The following SEMA5A variants were observed in gnomAD, a reference collection of about 807,000 sequenced individuals.
The protein encoded by SEMA5A is semaphorin-5A.
Under a neutral mutation model 135.5 loss-of-function variants are expected in SEMA5A, and 55 were observed. The observed-to-expected ratio is 0.41, with a 90% CI of 0.33 to 0.51. The LOEUF (loss-of-function observed/expected upper bound fraction) is 0.51, where lower values mean the gene tolerates loss of function less well. SEMA5A is among the 20% of genes least tolerant of loss of function. The pLI is 0.37. For synonymous variants in SEMA5A, 580 were observed against 546.5 expected (o/e 1.06, Z -0.85); for missense variants, 1,290 against 1,419.9 (o/e 0.91, Z 1.47).
At chr5:9,227,002 T>TAG in intron 6 of SEMA5A, 35 bp from the exon 7 acceptor site, 1 of 1,039,644 alleles carries the variant, frequency 9.6e-7, no homozygotes, top group Non-Finnish European at 1.3e-6. Context: ...TAAAAATATA[T>TAG]ATATATATGT....
chr5:9,183,375 G>A (rs1486404505), intron 11 of SEMA5A, among the ~76,000 whole-genome samples: 1 of 152,082 alleles, frequency 6.6e-6, no homozygotes, highest in Non-Finnish European at 1.5e-5. Context: ...TGCACTTCTG[G>A]GCTGCAGCTA....
At chr5:9,046,152 C>T (rs762847598) in intron 21 of SEMA5A, among the ~76,000 whole-genome samples, 1 of 152,164 alleles carries the variant, frequency 6.6e-6, no homozygotes, top group Non-Finnish European at 1.5e-5. Context: ...CTGCTCAGAG[C>T]ACATCCTGAG....
At chr5:9,425,642 G>A (rs955356748) in intron 2 of SEMA5A, among the ~76,000 whole-genome samples, 2 of 152,176 alleles carry the variant, frequency 1.3e-5, no homozygotes, top group African/African-American at 4.8e-5. Flanking sequence ...TGTATTTTCT[G>A]CAAGGAAATT....
intron 13 of SEMA5A, among the ~76,000 whole-genome samples, chr5:9,132,844 G>C (rs1741509724): frequency 6.6e-6 from 1 of 152,040 alleles, no homozygotes; most frequent in Admixed American, 6.6e-5. Flanking sequence ...TTTTACATGA[G>C]GTATAAAATA....
intron 17 of SEMA5A, among the ~76,000 whole-genome samples, chr5:9,065,678 A>G (rs1737428126): frequency 6.6e-6 from 1 of 152,180 alleles, no homozygotes; most frequent in Non-Finnish European, 1.5e-5. Flanking sequence ...TTTGGAAGAG[A>G]TTTTGCCCAA....
At chr5:9,051,332 C>G (rs257096) in intron 20 of SEMA5A, among the ~76,000 whole-genome samples, 133,544 of 152,222 alleles carry the variant, frequency 0.88, 58,685 homozygotes, top group East Asian at 0.96. Flanking sequence ...ATAGCACCTT[C>G]TCACAGTGAG....
chr5:9,501,363 C>T (rs552420489), intron 1 of SEMA5A, among the ~76,000 whole-genome samples: 1 of 152,258 alleles, frequency 6.6e-6, no homozygotes, highest in African/African-American at 2.4e-5. Context: ...AGATAAGTGT[C>T]AACATATACA....
At chr5:9,380,647 A>G (rs1755557655) in intron 2 of SEMA5A, among the ~76,000 whole-genome samples, 1 of 152,208 alleles carries the variant, frequency 6.6e-6, no homozygotes, top group Non-Finnish European at 1.5e-5. Flanking sequence ...AATAAAATCT[A>G]TATCGAGCAC....
At chr5:9,466,512 G>T (rs983127829) in intron 1 of SEMA5A, among the ~76,000 whole-genome samples, 6 of 152,120 alleles carry the variant, frequency 3.9e-5, no homozygotes, top group African/African-American at 1.4e-4. Flanking sequence ...TTATGAGATA[G>T]AATTTTGTGG....
At position 9,331,018 on chromosome 5, in the gene SEMA5A, C is replaced by T. The variant is rs1579357533; in HGVS notation, c.224+6695G>A. 3.3e-5 allele frequency among the ~76,000 whole-genome samples: 5 copies of T among 152,266 alleles called. No individual in the cohort carries two copies. In the South Asian group the frequency reaches 1.0e-3, roughly 32 times the overall value. On this transcript the variant is annotated intron_variant, in intron 4 of 22. Transcript: ENST00000382496. Reference sequence around the variant, plus strand: ...ATGGGGTTCTACTCCTTTTTGCATTCACTGCTAATCTCTGATTTCATACCG... The same window carrying T: ...ATGGGGTTCTACTCCTTTTTGCATTTACTGCTAATCTCTGATTTCATACCG...
At chr5:9,335,238 TGAGA>T (rs145763834) in intron 4 of SEMA5A, among the ~76,000 whole-genome samples, 6 of 151,708 alleles carry the variant, frequency 4.0e-5, no homozygotes, top group South Asian at 2.1e-4. Context: ...CTAGGGATAC[TGAGA>T]GAGAGAGAGA....
chr5:9,064,756 T>G (rs933001995), intron 17 of SEMA5A, among the ~76,000 whole-genome samples: 2 of 151,986 alleles, frequency 1.3e-5, no homozygotes, highest in Non-Finnish European at 2.9e-5. Flanking sequence ...ACCAAAAAAT[T>G]TCATGGGGCT....
At chr5:9,509,694 G>C (rs932279811) in intron 1 of SEMA5A, among the ~76,000 whole-genome samples, 2 of 152,188 alleles carry the variant, frequency 1.3e-5, no homozygotes, top group African/African-American at 4.8e-5. Flanking sequence ...TCTAAACTCT[G>C]TAAGAAGCCT....
At chr5:9,403,101 A>T (rs914983826) in intron 2 of SEMA5A, among the ~76,000 whole-genome samples, 1 of 152,144 alleles carries the variant, frequency 6.6e-6, no homozygotes, top group South Asian at 2.1e-4. Flanking sequence ...CTCCCATTTT[A>T]TGAAGATCCA....
rs1361053860 is a variant in SEMA5A at position 9,191,006 on chromosome 5, G to C, written c.1069-535C>G. On this transcript the variant is annotated intron_variant, in intron 10 of 22. Transcript: ENST00000382496. The stretch of plus-strand genomic sequence containing the variant: ...CATTCACATGGGCTACAAAAATACT[G>C]TGCTGGCCTTACTGTTTTCTACTTG... Among the ~76,000 whole-genome samples, 2 of 152,172 alleles carry C rather than the reference G, an allele frequency of 1.3e-5. 1 individual carries two copies. Among genetic ancestry groups the C allele is most frequent in the Non-Finnish European group, 2.9e-5 (2 of 68,028 alleles).
At chr5:9,058,456 G>T (rs532508970) in intron 18 of SEMA5A, among the ~76,000 whole-genome samples, 4 of 152,194 alleles carry the variant, frequency 2.6e-5, no homozygotes, top group Admixed American at 2.0e-4. Context: ...CTGGTTCATG[G>T]GAAGATCAGA....
rs188298237 is a variant in SEMA5A at position 9,296,856 on chromosome 5, C to G, written c.270+21516G>C. Among the ~76,000 whole-genome samples the G allele has an allele frequency of 4.9e-4, 70 of 142,124 alleles. No individual in the cohort carries two copies. The Middle Eastern group carries it at 0.015, about 31-fold the overall frequency. 93.2% of individuals were successfully genotyped at this position (142,124 alleles called of 152,430 possible). On this transcript the variant is annotated intron_variant, in intron 5 of 22. Transcript: ENST00000382496. ...AAAGGAGGGTAAGGGGAAGGAGAAA[C>G]AGCATATTTCCTACAGGTGAGACAT...
At chr5:9,419,626 G>T (rs1351894715) in intron 2 of SEMA5A, among the ~76,000 whole-genome samples, 3 of 152,132 alleles carry the variant, frequency 2.0e-5, no homozygotes, top group Non-Finnish European at 4.4e-5. Flanking sequence ...TCACAGGTGG[G>T]CCCTGATAAG....
intron 16 of SEMA5A, among the ~76,000 whole-genome samples, chr5:9,105,679 G>A (rs1439296257): frequency 2.6e-5 from 4 of 152,048 alleles, no homozygotes; most frequent in Non-Finnish European, 5.9e-5. Flanking sequence ...AACCATCACC[G>A]CCTTCTCCAA....
Sources: gnomAD v4.1 joint callset for allele counts (sites outside exome capture counted in the v4.1 genomes callset) on GRCh38, gnomAD v4.1.1 for gene constraint, MANE v1.5 for transcripts, NCBI Gene and HGNC (gene_info 2026-07-23, HGNC 2026-07-21) for gene names.